The following FAM200B variants were observed in gnomAD, a reference collection of about 807,000 sequenced individuals.
FAM200B encodes the protein zinc finger BED-type containing 11.
Under a neutral mutation model 33.1 loss-of-function variants are expected in FAM200B, and 32 were observed. The observed-to-expected ratio is 0.97, with a 90% CI of 0.73 to 1.30. The LOEUF is 1.30. FAM200B is among the 50% of genes most tolerant of loss of function. FAM200B has a pLI of 0.00. For synonymous variants in FAM200B, 240 were observed against 264.8 expected (o/e 0.91, Z 0.91); for missense variants, 741 against 754.0 (o/e 0.98, Z 0.20).
rs1308416373 is a variant in FAM200B at position 15,690,158 on chromosome 4, A to G, written c.*1207A>G. The G allele has an allele frequency of 6.0e-6, 1 of 167,146 alleles. No homozygotes were observed. The highest frequency in any genetic ancestry group is 1.5e-5 in the Non-Finnish European group (1 of 68,130). 10.4% of individuals were successfully genotyped at this position (167,146 alleles called of 1,614,324 possible). A position where few individuals can be genotyped will look rare whatever the true frequency, so the allele number is the denominator to read the frequency against. On this transcript the variant is annotated 3_prime_UTR_variant, in exon 2 of 2. Coordinates refer to ENST00000422728, the MANE Select transcript of FAM200B (RefSeq NM_001145191.2). Reference sequence around the variant, plus strand: ...TTTGACATAACTGCTGTAACCATCCAGAAACGGCATTGATGTTGCTTCACG... The same window carrying G: ...TTTGACATAACTGCTGTAACCATCCGGAAACGGCATTGATGTTGCTTCACG...
At chr4:15,656,475 CTA>C in the FAM200B span, 1 of 342,308 alleles carries the variant, frequency 2.9e-6, no homozygotes, top group Non-Finnish European at 5.8e-6. Context: ...TCTCTATTAT[CTA>C]TCACAGTTGC....
the FAM200B span, among the ~76,000 whole-genome samples, chr4:15,674,648 T>G: frequency 6.6e-6 from 1 of 151,642 alleles, no homozygotes; most frequent in Non-Finnish European, 1.5e-5. Context: ...GTTATGGGAT[T>G]TTTGGGTTTT....
At chr4:15,646,489 T>C in the FAM200B span, among the ~76,000 whole-genome samples, 3 of 149,698 alleles carry the variant, frequency 2.0e-5, no homozygotes, top group Non-Finnish European at 4.4e-5. Flanking sequence ...AACTTAAAAA[T>C]AGCCTTAGTA....
chr4:15,647,744 C>G, the FAM200B span, among the ~76,000 whole-genome samples: 3 of 152,184 alleles, frequency 2.0e-5, no homozygotes, highest in Admixed American at 6.5e-5. Context: ...GACTCTAGGG[C>G]AAGATTGCCT....
chr4:15,664,550 C>CT, the FAM200B span, among the ~76,000 whole-genome samples: 17,661 of 75,666 alleles, frequency 0.23, 2,581 homozygotes, highest in East Asian at 0.38. Flanking sequence ...GGCCCTCATC[C>CT]TTTTTTTTTT....
rs1718934415 is a variant in FAM200B, at chr4:15,687,217, A to T, written c.240A>T (p.Glu80Asp). The T allele has an allele frequency of 1.3e-6, 2 of 1,540,214 alleles. No individual in the cohort carries two copies. Among genetic ancestry groups the T allele is most frequent in the Non-Finnish European group, 1.8e-6 (2 of 1,142,500 alleles). The change falls in exon 2 of 2, where the codon GAA (glutamate) becomes GAT (aspartate). Residue 80 changes from glutamate (E) to aspartate (D), a missense_variant. Coordinates refer to ENST00000422728, the MANE Select transcript of FAM200B (RefSeq NM_001145191.2). Reference protein sequence around the residue: ...YGFIKCEKPFENDRPQCVICN... With the variant: ...YGFIKCEKPFDNDRPQCVICN... The stretch of plus-strand genomic sequence containing the variant: ...TTATCAAATGTGAAAAACCCTTTGA[A>T]AATGACAGACCTCAGTGTGTTATTT...
At chr4:15,673,977 G>T in the FAM200B span, among the ~76,000 whole-genome samples, 2 of 152,080 alleles carry the variant, frequency 1.3e-5, no homozygotes, top group African/African-American at 4.8e-5. Context: ...GGAAAACATT[G>T]TTTTATATAT....
the FAM200B span, among the ~76,000 whole-genome samples, chr4:15,667,518 TA>T: frequency 6.6e-6 from 1 of 152,028 alleles, no homozygotes; most frequent in South Asian, 2.1e-4. Flanking sequence ...AAAATAGTAT[TA>T]AAAAATAGCT....
chr4:15,656,446 A>G, the FAM200B span: 1 of 372,186 alleles, frequency 2.7e-6, no homozygotes, highest in Non-Finnish European at 5.3e-6. Flanking sequence ...AGAACCAGAT[A>G]TGCTGTGTTC....
chr4:15,649,740 C>T, the FAM200B span, among the ~76,000 whole-genome samples: 13,852 of 151,824 alleles, frequency 0.091, 777 homozygotes, highest in Non-Finnish European at 0.12. Flanking sequence ...CTAGGACATA[C>T]GGAAGGAAGC....
chr4:15,650,794 A>G, the FAM200B span, among the ~76,000 whole-genome samples: 12 of 149,044 alleles, frequency 8.1e-5, no homozygotes, highest in African/African-American at 3.0e-4. Flanking sequence ...CACCATGCCC[A>G]GCTAATTTTT....
In FAM200B at chr4:15,688,213, AAAAT is replaced by A; in HGVS notation, c.1237_1240del (p.Lys413LeufsTer13). ...AGATTCACTTTTTTCTCATTGAAAA[AAAAT>A]CTCATTTGGCAAGTATTTTTGAAGA... On this transcript the variant is annotated frameshift_variant, in exon 2 of 2. Coordinates refer to ENST00000422728, the MANE Select transcript of FAM200B (RefSeq NM_001145191.2). LOFTEE classifies it high-confidence loss of function. The A allele has an allele frequency of 6.4e-7, 1 of 1,551,010 alleles. No individual in the cohort carries two copies. Among genetic ancestry groups the A allele is most frequent in the Non-Finnish European group, 8.7e-7 (1 of 1,146,598 alleles).
the FAM200B span, among the ~76,000 whole-genome samples, chr4:15,639,072 G>A: frequency 2.2e-4 from 33 of 152,344 alleles, no homozygotes; most frequent in African/African-American, 7.0e-4. Context: ...ACTGAGGCAG[G>A]AGAATCACTT....
chr4:15,662,106 C>T, the FAM200B span, among the ~76,000 whole-genome samples: 1 of 150,864 alleles, frequency 6.6e-6, no homozygotes, highest in Admixed American at 6.6e-5. Flanking sequence ...CATGCCTATG[C>T]TACTGGTCAT....
chr4:15,670,144 T>C, the FAM200B span, among the ~76,000 whole-genome samples: 1 of 152,240 alleles, frequency 6.6e-6, no homozygotes, highest in African/African-American at 2.4e-5. Flanking sequence ...TTCTCATATG[T>C]GTTCCATTGT....
chr4:15,662,759 C>A, the FAM200B span, among the ~76,000 whole-genome samples: 1 of 152,134 alleles, frequency 6.6e-6, no homozygotes, highest in Non-Finnish European at 1.5e-5. Flanking sequence ...GTAGCTGATA[C>A]TATAGTAAGA....
At chr4:15,652,486 A>T in the FAM200B span, among the ~76,000 whole-genome samples, 1 of 152,172 alleles carries the variant, frequency 6.6e-6, no homozygotes, top group Non-Finnish European at 1.5e-5. Flanking sequence ...CCTTTCCATA[A>T]AACTTTTTAC....
At chr4:15,656,093 C>T in the FAM200B span, 1 of 438,734 alleles carries the variant, frequency 2.3e-6, no homozygotes, top group Admixed American at 2.4e-5. Flanking sequence ...AGTGCAGGAA[C>T]GCGGGTCAGG....
At chr4:15,655,672 C>T in the FAM200B span, among the ~76,000 whole-genome samples, 1 of 152,244 alleles carries the variant, frequency 6.6e-6, no homozygotes, top group Non-Finnish European at 1.5e-5. Flanking sequence ...GCCCTGCCCA[C>T]CACGGCCTTG....
Sources: allele counts gnomAD v4.1 joint callset (sites outside exome capture counted in the v4.1 genomes callset), GRCh38; gene constraint gnomAD v4.1.1; transcripts MANE v1.5; gene names NCBI Gene and HGNC (gene_info 2026-07-23, HGNC 2026-07-21).